Variants in SDK1 observed in about 807,000 individuals in gnomAD.
The protein encoded by SDK1 is sidekick cell adhesion molecule 1, also known as protein sidekick-1.
Under a neutral mutation model 245.5 loss-of-function variants are expected in SDK1, and 157 were observed. That is an observed-to-expected ratio of 0.64 (90% CI 0.56 to 0.73). SDK1 has a LOEUF of 0.73. SDK1 is among the 30% of genes least tolerant of loss of function. The probability of loss-of-function intolerance (pLI) is 0.00; values close to 1 mark genes in which losing one functional copy is unlikely to be tolerated. For missense variants in SDK1, 3,583 were observed against 3,002.3 expected (o/e 1.19, Z -4.52); for synonymous variants, 1,647 against 1,278.5 (o/e 1.29, Z -6.15).
intron 17 of SDK1, among the ~76,000 whole-genome samples, chr7:4,033,754 C>T (rs1788011920): frequency 6.6e-6 from 1 of 152,072 alleles, no homozygotes; most frequent in African/African-American, 2.4e-5. Flanking sequence ...TACACAGACA[C>T]ACAGAGAACA....
intron 4 of SDK1, among the ~76,000 whole-genome samples, chr7:3,773,749 G>C (rs1010137173): frequency 6.6e-6 from 1 of 152,144 alleles, no homozygotes; most frequent in Non-Finnish European, 1.5e-5. Context: ...CCATGGATCA[G>C]CCTAAGGTGT....
intron 22 of SDK1, among the ~76,000 whole-genome samples, chr7:4,099,798 G>C (rs960196474): frequency 2.6e-5 from 4 of 151,026 alleles, no homozygotes; most frequent in African/African-American, 9.7e-5. Flanking sequence ...GGGAGCCGCA[G>C]CTGGTGGGAA....
chr7:4,085,761 G>A (rs192143918), intron 22 of SDK1, among the ~76,000 whole-genome samples: 2 of 151,992 alleles, frequency 1.3e-5, no homozygotes, highest in East Asian at 1.9e-4. Context: ...CACCATGTTG[G>A]CCAGGCTGGT....
At chr7:3,576,109 G>C (rs186845487) in intron 1 of SDK1, among the ~76,000 whole-genome samples, 3 of 152,230 alleles carry the variant, frequency 2.0e-5, no homozygotes, top group Non-Finnish European at 4.4e-5. Flanking sequence ...ATTGTAATTA[G>C]AAAAAGCAAC....
Position 4,051,455 on chromosome 7 carries a change from A to G in SDK1, c.2719-183A>G, listed in dbSNP as rs1789471096. Among the ~76,000 whole-genome samples the G allele has an allele frequency of 2.6e-5, 4 of 151,876 alleles. No homozygotes were observed. The South Asian group carries it at 8.3e-4, about 31-fold the overall frequency. On this transcript the variant is annotated intron_variant, in intron 18 of 44. Coordinates refer to ENST00000404826, the MANE Select transcript of SDK1 (RefSeq NM_152744.4). ...CATGTAAATATACATGCTTGTATAC[A>G]AAAACCTATAAAATATATTTTTATC...
chr7:3,797,561 C>A (rs547709956), intron 4 of SDK1, among the ~76,000 whole-genome samples: 1 of 151,592 alleles, frequency 6.6e-6, no homozygotes, highest in African/African-American at 2.4e-5. Context: ...TGTTTTCATA[C>A]TTAATACCTA....
intron 1 of SDK1, among the ~76,000 whole-genome samples, chr7:3,367,145 T>C (rs962228532): frequency 1.3e-5 from 2 of 149,600 alleles, no homozygotes; most frequent in South Asian, 2.1e-4. Context: ...CCTACAATTT[T>C]ATTTTATTTA....
At chr7:3,706,391 C>T (rs922332438) in intron 4 of SDK1, among the ~76,000 whole-genome samples, 1 of 152,042 alleles carries the variant, frequency 6.6e-6, no homozygotes, top group Admixed American at 6.6e-5. Flanking sequence ...TCCATCTGGT[C>T]CTGGGCTTTT....
intron 4 of SDK1, among the ~76,000 whole-genome samples, chr7:3,684,933 A>C (rs1583305480): frequency 6.6e-6 from 1 of 152,318 alleles, no homozygotes; most frequent in East Asian, 1.9e-4. Flanking sequence ...GAATGTAGCC[A>C]ATCTGAACAA....
chr7:3,458,634 C>A (rs1365672469), intron 1 of SDK1, among the ~76,000 whole-genome samples: 1 of 151,640 alleles, frequency 6.6e-6, no homozygotes, highest in African/African-American at 2.4e-5. Flanking sequence ...TTTTACAATT[C>A]CAGAGTAGGA....
intron 2 of SDK1, among the ~76,000 whole-genome samples, chr7:3,638,700 G>T (rs1782549699): frequency 2.0e-5 from 3 of 150,180 alleles, no homozygotes; most frequent in African/African-American, 7.3e-5. Context: ...CGAGTTAATG[G>T]GTGCAGCACA....
intron 22 of SDK1, among the ~76,000 whole-genome samples, chr7:4,089,019 T>C (rs1380803567): frequency 3.3e-5 from 5 of 150,242 alleles, no homozygotes; most frequent in Non-Finnish European, 7.4e-5. Context: ...TGTGGGCATC[T>C]GCACAATGAG....
At chr7:3,915,508 C>T (rs1225885436) in intron 5 of SDK1, among the ~76,000 whole-genome samples, 1 of 152,124 alleles carries the variant, frequency 6.6e-6, no homozygotes, top group African/African-American at 2.4e-5. Context: ...TTCGCTTGGC[C>T]CTCATTCTGT....
intron 35 of SDK1, among the ~76,000 whole-genome samples, chr7:4,196,518 T>C (rs1783585597): frequency 6.6e-6 from 1 of 152,160 alleles, no homozygotes; most frequent in African/African-American, 2.4e-5. Flanking sequence ...CCTCAGCTGC[T>C]GGCCCCTCCC....
At chr7:3,305,097 C>T (rs1340642513) in intron 1 of SDK1, among the ~76,000 whole-genome samples, 1 of 152,178 alleles carries the variant, frequency 6.6e-6, no homozygotes, top group Non-Finnish European at 1.5e-5. Context: ...TTCACTTACA[C>T]CTGTTCCAGG....
intron 4 of SDK1, among the ~76,000 whole-genome samples, chr7:3,756,061 A>G (rs564447701): frequency 7.1e-6 from 1 of 140,732 alleles, no homozygotes; most frequent in East Asian, 2.2e-4. Flanking sequence ...TCGTGGTTTT[A>G]AATCTGACTC....
At chr7:4,005,053 T>TTTTTTC (rs1785361352) in intron 14 of SDK1, among the ~76,000 whole-genome samples, 2 of 143,076 alleles carry the variant, frequency 1.4e-5, no homozygotes, top group African/African-American at 5.3e-5. Flanking sequence ...TTTTTTTTTT[T>TTTTTTC]TTTTTTTTTT....
chr7:4,232,155 T>A (rs191303761), intron 40 of SDK1, among the ~76,000 whole-genome samples: 4,367 of 151,288 alleles, frequency 0.029, 77 homozygotes, highest in African/African-American at 0.043. Flanking sequence ...TTATAAATAT[T>A]AACTTACTTA....
Position 4,267,739 on chromosome 7 carries a change from C to G in SDK1, c.*2355C>G. On this transcript the variant is annotated 3_prime_UTR_variant, in exon 45 of 45. Transcript: ENST00000404826. Reference sequence around the variant, plus strand: ...TTTTCGATACAACATCATGACACTTCTGTTTCAAGCTCATGTTTTCCGTCT... The same window carrying G: ...TTTTCGATACAACATCATGACACTTGTGTTTCAAGCTCATGTTTTCCGTCT... The G allele has an allele frequency of 1.0e-6, 1 of 985,492 alleles. No individual in the cohort carries two copies. Among genetic ancestry groups the G allele is most frequent in the Non-Finnish European group, 1.2e-6 (1 of 829,976 alleles). 61.0% of individuals were successfully genotyped at this position (985,492 alleles called of 1,614,324 possible). A position where few individuals can be genotyped will look rare whatever the true frequency, so the allele number is the denominator to read the frequency against.
Sources: allele counts gnomAD v4.1 joint callset (sites outside exome capture counted in the v4.1 genomes callset), GRCh38; gene constraint gnomAD v4.1.1; transcripts MANE v1.5; gene names NCBI Gene and HGNC (gene_info 2026-07-23, HGNC 2026-07-21).